The following WBP1L variants were observed in gnomAD, a reference collection of about 807,000 sequenced individuals.
The protein encoded by WBP1L is WW domain binding protein 1 like, also known as WW domain binding protein 1-like.
Under a neutral mutation model 33.7 loss-of-function variants are expected in WBP1L, and 17 were observed. That is an observed-to-expected ratio of 0.50 (90% CI 0.34 to 0.76). The LOEUF (loss-of-function observed/expected upper bound fraction) is 0.76, where lower values mean the gene tolerates loss of function less well. WBP1L is among the 30% of genes least tolerant of loss of function. The probability of loss-of-function intolerance (pLI) is 0.01; values close to 1 mark genes in which losing one functional copy is unlikely to be tolerated. For missense variants in WBP1L, 389 were observed against 469.4 expected, an observed-to-expected ratio of 0.83 and a Z score of 1.58; for synonymous variants, 173 against 190.8, an observed-to-expected ratio of 0.91 and a Z score of 0.77.
intron 1 of WBP1L, among the ~76,000 whole-genome samples, chr10:102,753,147 T>G (rs1439267070): frequency 1.3e-5 from 2 of 152,122 alleles, no homozygotes; most frequent in Admixed American, 1.3e-4. Context: ...GATCCCACTG[T>G]AACTGCACAG....
Position 102,753,638 on chromosome 10 carries a change from A to G in WBP1L, c.90+9495A>G, listed in dbSNP as rs149068168. On this transcript the variant is annotated intron_variant, in intron 1 of 3. Transcript: ENST00000448841. ...TTACTTTTGGTTTTCTCCTTTCCAC[A>G]CTTTCTTCTGTGGGAAATCAGAGGA... Among the ~76,000 whole-genome samples, 366 of 152,178 alleles carry G rather than the reference A, an allele frequency of 2.4e-3. 3 individuals carry two copies. Among genetic ancestry groups the G allele is most frequent in the African/African-American group, 8.4e-3 (350 of 41,520 alleles).
At chr10:102,771,107 C>G (rs534540455) in intron 1 of WBP1L, among the ~76,000 whole-genome samples, 4 of 152,150 alleles carry the variant, frequency 2.6e-5, no homozygotes, top group African/African-American at 9.7e-5. Context: ...CAGGGTTGAA[C>G]AAATGATTAT....
In WBP1L at chr10:102,744,894, T is replaced by C. The variant is rs1842846602; in HGVS notation, c.90+751T>C. Among the ~76,000 whole-genome samples the C allele has an allele frequency of 3.3e-5, 5 of 152,318 alleles. No homozygotes were observed. The South Asian group carries it at 1.0e-3, about 32-fold the overall frequency. On this transcript the variant is annotated intron_variant, in intron 1 of 3. Coordinates refer to ENST00000448841, the MANE Select transcript of WBP1L (RefSeq NM_001083913.2). ...GCAGCAAATGGAGCACCCTAGCTTT[T>C]CTTGCTGGGTGGCTTGCTCTTTATC...
At chr10:102,772,216 C>T (rs1230480862) in intron 1 of WBP1L, among the ~76,000 whole-genome samples, 1 of 147,008 alleles carries the variant, frequency 6.8e-6, no homozygotes, top group Non-Finnish European at 1.5e-5. Flanking sequence ...CCTCTGCCTC[C>T]TAAAGTGCTG....
Position 102,768,371 on chromosome 10 carries a change from G to GTTTTTTTTT in WBP1L, c.90+24245_90+24253dup, listed in dbSNP as rs1192088947. ...CCATTGCGCCTGGCATTAGTTTTTT[G>GTTTTTTTTT]TTTTTTTTTTTTTTTTTTTTTTTTT... On this transcript the variant is annotated intron_variant, in intron 1 of 3. Coordinates refer to ENST00000448841, the MANE Select transcript of WBP1L (RefSeq NM_001083913.2). Among the ~76,000 whole-genome samples, 20 of 12,226 alleles carry GTTTTTTTTT rather than the reference G, an allele frequency of 1.6e-3. 1 individual carries two copies. Among genetic ancestry groups the GTTTTTTTTT allele is most frequent in the South Asian group, 2.7e-3 (1 of 366 alleles). 8.0% of individuals were successfully genotyped at this position (12,226 alleles called of 152,430 possible).
At chr10:102,804,223 C>T (rs1843699535) in intron 2 of WBP1L, among the ~76,000 whole-genome samples, 1 of 151,520 alleles carries the variant, frequency 6.6e-6, no homozygotes, top group South Asian at 2.1e-4. Flanking sequence ...ATGCCATCTC[C>T]ACTAAAAATA....
chr10:102,809,925 C>T lies in WBP1L; in HGVS notation c.226C>T (p.Leu76=), dbSNP rs1207470267. The T allele has an allele frequency of 1.9e-6, 3 of 1,613,712 alleles. No homozygotes were observed. The highest frequency in any genetic ancestry group is 2.2e-5 in the South Asian group (2 of 91,052). ...GCTGGTGTGGACCATCATCATCATC[C>T]TGAGCTGCTGCTGTGTTTGCCACCA... ...FWLVWTIIII[L]SCCCVCHHRR... The change falls in exon 3 of 4, where the codon CTG becomes TTG. Residue 76 remains leucine (L), a synonymous_variant. Coordinates refer to ENST00000448841, the MANE Select transcript of WBP1L (RefSeq NM_001083913.2).
At chr10:102,798,956 T>C (rs550772865) in intron 2 of WBP1L, among the ~76,000 whole-genome samples, 1 of 152,318 alleles carries the variant, frequency 6.6e-6, no homozygotes, top group South Asian at 2.1e-4. Flanking sequence ...CTCAGCTCCT[T>C]TTATTTCTTA....
rs571804640 is a variant in WBP1L, at chr10:102,809,176, C to T, written c.194-717C>T. Among the ~76,000 whole-genome samples the T allele has an allele frequency of 5.3e-5, 8 of 151,714 alleles. No individual in the cohort carries two copies. The East Asian group carries it at 1.2e-3, about 22-fold the overall frequency. Reference sequence around the variant, plus strand: ...CACTGCAGCCTCCGCCTCCTGGGTTCAAGCAATTCTCCTGCCTCAGCCTCC... The same window carrying T: ...CACTGCAGCCTCCGCCTCCTGGGTTTAAGCAATTCTCCTGCCTCAGCCTCC... On this transcript the variant is annotated intron_variant, in intron 2 of 3. Transcript: ENST00000448841.
At chr10:102,797,241 G>T (rs1843585152) in intron 1 of WBP1L, among the ~76,000 whole-genome samples, 1 of 152,232 alleles carries the variant, frequency 6.6e-6, no homozygotes, top group South Asian at 2.1e-4. Context: ...CTGAGCAGAT[G>T]CTAATCCTAG....
At chr10:102,761,121 GTTTTTTTT>G (rs111654669) in intron 1 of WBP1L, among the ~76,000 whole-genome samples, 6 of 134,096 alleles carry the variant, frequency 4.5e-5, no homozygotes, top group East Asian at 4.3e-4. Flanking sequence ...TGGCCAGGCT[GTTTTTTTT>G]TTTTTTTTTC....
At chr10:102,749,501 G>C (rs2134023973) in intron 1 of WBP1L, among the ~76,000 whole-genome samples, 1 of 150,730 alleles carries the variant, frequency 6.6e-6, no homozygotes, top group African/African-American at 2.4e-5. Flanking sequence ...AAGTAGAGAT[G>C]AGTGTCTCAC....
rs760871723 is a variant in WBP1L, at chr10:102,813,244, C to G, written c.1005C>G (p.His335Gln). 22 of 1,613,012 alleles carry G rather than the reference C, an allele frequency of 1.4e-5. No individual in the cohort carries two copies. The Middle Eastern group carries it at 6.6e-4, about 48-fold the overall frequency. Residue 335 changes from histidine to glutamine, a missense_variant, in exon 4 of 4, where the codon CAC becomes CAG. By Grantham distance (24) the His-to-Gln change is conservative. Transcript: ENST00000448841. Reference protein sequence around the residue: ...EEQAREPGHPHLPRPPACLLL... With the variant: ...EEQAREPGHPQLPRPPACLLL... ...AGGCTCGAGAGCCTGGGCACCCGCA[C>G]CTGCCACGGCCGCCCGCATGCCTGC... is the stretch of plus-strand genomic sequence containing the variant.
chr10:102,797,054 T>C (rs1180233012), intron 1 of WBP1L, among the ~76,000 whole-genome samples: 4 of 152,230 alleles, frequency 2.6e-5, no homozygotes, highest in Admixed American at 2.6e-4. Context: ...AGGATTCTTT[T>C]TCAATAAGCA....
chr10:102,771,081 G>A (rs1448237629), intron 1 of WBP1L, among the ~76,000 whole-genome samples: 2 of 152,142 alleles, frequency 1.3e-5, no homozygotes, highest in African/African-American at 4.8e-5. Context: ...ACTTAGCATG[G>A]AGTCTGGCTC....
chr10:102,769,633 C>T (rs896334665), intron 1 of WBP1L, among the ~76,000 whole-genome samples: 11 of 152,152 alleles, frequency 7.2e-5, no homozygotes, highest in African/African-American at 2.7e-4. Flanking sequence ...TATCAAAATC[C>T]TATCTGCATA....
At chr10:102,776,296 G>A (rs959292480) in intron 1 of WBP1L, 7 of 1,611,312 alleles carry the variant, frequency 4.3e-6, no homozygotes, top group African/African-American at 4.0e-5. Flanking sequence ...CAGGACCACC[G>A]CACACACAGG....
At chr10:102,799,038 T>C (rs1054034114) in intron 2 of WBP1L, among the ~76,000 whole-genome samples, 1 of 152,136 alleles carries the variant, frequency 6.6e-6, no homozygotes, top group Non-Finnish European at 1.5e-5. Flanking sequence ...CTAAATCCCA[T>C]GTGGAGGCTG....
chr10:102,747,942 C>A (rs1241225125), intron 1 of WBP1L, among the ~76,000 whole-genome samples: 1 of 152,214 alleles, frequency 6.6e-6, no homozygotes, highest in African/African-American at 2.4e-5. Flanking sequence ...GCAGTCCTTA[C>A]CTTTCCTTTG....
Sources: allele counts gnomAD v4.1 joint callset (sites outside exome capture counted in the v4.1 genomes callset), GRCh38; gene constraint gnomAD v4.1.1; transcripts MANE v1.5; gene names NCBI Gene and HGNC (gene_info 2026-07-23, HGNC 2026-07-21).